EPB41L2: variants seen among roughly 807,000 people sequenced by gnomAD.
EPB41L2 encodes the protein erythrocyte membrane protein band 4.1 like 2.
A neutral mutation model predicts 113.0 loss-of-function variants in EPB41L2; 43 were observed. The observed-to-expected ratio is 0.38, with a 90% confidence interval of 0.30 to 0.49. EPB41L2 has a LOEUF of 0.49. Ranked by LOEUF, EPB41L2 falls within the 20% of genes least tolerant of loss-of-function variation. The pLI, the probability that EPB41L2 is intolerant of heterozygous loss-of-function variation, is 0.95. For synonymous variants in EPB41L2, 442 were observed against 436.7 expected (o/e 1.01, Z -0.15); for missense variants, 1,147 against 1,223.4 (o/e 0.94, Z 0.93).
At position 130,927,966 on chromosome 6, in the gene EPB41L2, G is replaced by A. The variant is rs148074030; in HGVS notation, c.706-1257C>T. On this transcript the variant is annotated intron_variant, in intron 3 of 19. Coordinates refer to ENST00000337057, the MANE Select transcript of EPB41L2 (RefSeq NM_001431.4). ...ACGTTAGCCAGGTGTGGTGGCGTGT[G>A]CTTGTAGTCTCAGCTACTCCGGAGG... 1.2e-4 allele frequency among the ~76,000 whole-genome samples: 18 copies of A among 152,088 alleles called. No homozygotes were observed. The East Asian group carries it at 3.1e-3, about 26-fold the overall frequency.
chr6:131,021,379 C>A (rs1789440321), intron 1 of EPB41L2, among the ~76,000 whole-genome samples: 1 of 152,124 alleles, frequency 6.6e-6, no homozygotes. Context: ...GCCAAAACCT[C>A]CCAGTTGATA....
In EPB41L2 at chr6:130,890,351, G is replaced by C; in HGVS notation, c.1603C>G (p.Pro535Ala). ...TRQASTLIDR[P>A]APHFERTSSK... ...GAAGTGCGCTCAAAGTGTGGTGCTG[G>C]CCTATCTATGAGGGTGCTGGCCTGG... The change falls in exon 11 of 20, where the codon CCA becomes GCA. Residue 535 changes from proline to alanine, a missense_variant. Pro to Ala is a conservative substitution (Grantham distance 27). Transcript: ENST00000337057. 6.2e-7 allele frequency: 1 copy of C among 1,613,802 alleles called. No individual in the cohort carries two copies.
intron 1 of EPB41L2, among the ~76,000 whole-genome samples, chr6:130,979,631 A>C (rs1460942234): frequency 6.6e-6 from 1 of 152,176 alleles, no homozygotes; most frequent in Non-Finnish European, 1.5e-5. Context: ...GGGACTTGAT[A>C]ATTAATTGGA....
intron 3 of EPB41L2, among the ~76,000 whole-genome samples, chr6:130,937,600 C>T (rs1809256430): frequency 6.6e-6 from 1 of 152,130 alleles, no homozygotes; most frequent in Non-Finnish European, 1.5e-5. Context: ...GCAGGTGGAC[C>T]GTGAGGTCAG....
At chr6:130,912,465 C>A (rs1462066416) in intron 4 of EPB41L2, among the ~76,000 whole-genome samples, 1 of 152,144 alleles carries the variant, frequency 6.6e-6, no homozygotes. Context: ...CTCGGGGTAG[C>A]AAGGATCCAA....
At chr6:131,030,059 C>T (rs1442969332) in intron 1 of EPB41L2, among the ~76,000 whole-genome samples, 1 of 147,502 alleles carries the variant, frequency 6.8e-6, no homozygotes, top group East Asian at 1.9e-4. Context: ...CAGGGCCCTA[C>T]TGTTATCTGC....
chr6:131,054,748 G>A (rs1318739137), intron 1 of EPB41L2, among the ~76,000 whole-genome samples: 1 of 152,256 alleles, frequency 6.6e-6, no homozygotes, highest in African/African-American at 2.4e-5. Flanking sequence ...AAAAGGAACT[G>A]TTTTAAAGGA....
chr6:131,034,403 T>C (rs1210469228), intron 1 of EPB41L2, among the ~76,000 whole-genome samples: 1 of 152,152 alleles, frequency 6.6e-6, no homozygotes, highest in Non-Finnish European at 1.5e-5. Context: ...AGCCCAGGAA[T>C]TCGAGATCAG....
chr6:130,953,368 T>G (rs923602473), intron 3 of EPB41L2, among the ~76,000 whole-genome samples: 1 of 152,092 alleles, frequency 6.6e-6, no homozygotes, highest in East Asian at 1.9e-4. Flanking sequence ...ATGGTCTCAA[T>G]GCTTCCCTCC....
At chr6:131,001,318 C>T (rs945208656) in intron 1 of EPB41L2, among the ~76,000 whole-genome samples, 1 of 151,880 alleles carries the variant, frequency 6.6e-6, no homozygotes, top group African/African-American at 2.4e-5. Context: ...AGAGAGAGGG[C>T]AAGGGAAAGA....
rs530755570 is a variant in EPB41L2 at position 130,979,860 on chromosome 6, TCCAGACTGA to T, written c.-14-23370_-14-23362del. 2.0e-5 allele frequency among the ~76,000 whole-genome samples: 3 copies of T among 152,260 alleles called. No individual in the cohort carries two copies. In the East Asian group the frequency reaches 5.8e-4, roughly 29 times the overall value. ...TGTGTCTGAATGACAGAGCCTGGTT[TCCAGACTGA>T]AATGTGGAACTGCTCAGCCAATCAA... On this transcript the variant is annotated intron_variant, in intron 1 of 19. Coordinates refer to ENST00000337057, the MANE Select transcript of EPB41L2 (RefSeq NM_001431.4).
intron 1 of EPB41L2, among the ~76,000 whole-genome samples, chr6:131,060,143 G>A (rs900839905): frequency 2.0e-5 from 3 of 152,204 alleles, no homozygotes; most frequent in Admixed American, 6.5e-5. Context: ...TTACAGGCGT[G>A]CGCCACCATG....
chr6:130,907,850 A>C (rs1232278014), intron 5 of EPB41L2, among the ~76,000 whole-genome samples: 1 of 152,166 alleles, frequency 6.6e-6, no homozygotes, highest in African/African-American at 2.4e-5. Flanking sequence ...ATAATAAGTA[A>C]GTAAGGAAAT....
intron 3 of EPB41L2, among the ~76,000 whole-genome samples, chr6:130,942,247 T>G (rs1253241999): frequency 6.6e-6 from 1 of 152,178 alleles, no homozygotes; most frequent in Non-Finnish European, 1.5e-5. Context: ...TGTGATAAAT[T>G]AAACAACATT....
At position 131,005,523 on chromosome 6, in the gene EPB41L2, G is replaced by T. The variant is rs567108658; in HGVS notation, c.-14-49024C>A. 1.1e-4 allele frequency among the ~76,000 whole-genome samples: 17 copies of T among 152,192 alleles called. No individual in the cohort carries two copies. In the South Asian group the frequency reaches 3.5e-3, roughly 32 times the overall value. ...AAAGTCAGTGGAAAGGGGAGTGTTG[G>T]GGGGAGCCAGAATCTAAAGCCAAGC... On this transcript the variant is annotated intron_variant, in intron 1 of 19. Coordinates refer to ENST00000337057, the MANE Select transcript of EPB41L2 (RefSeq NM_001431.4).
chr6:130,971,247 C>T (rs764655094), intron 1 of EPB41L2, among the ~76,000 whole-genome samples: 3 of 152,196 alleles, frequency 2.0e-5, no homozygotes, highest in Non-Finnish European at 2.9e-5. Context: ...ATAACTTTTG[C>T]AGTTTGAGGT....
chr6:131,050,216 G>A (rs1268519415), intron 1 of EPB41L2, among the ~76,000 whole-genome samples: 1 of 152,064 alleles, frequency 6.6e-6, no homozygotes, highest in African/African-American at 2.4e-5. Flanking sequence ...GCGGGCACCT[G>A]TAATCTCAGC....
At chr6:130,847,346 CTATTTTTGTGCCCTGAACAT>C (rs1357566881) in intron 19 of EPB41L2, among the ~76,000 whole-genome samples, 6 of 152,222 alleles carry the variant, frequency 3.9e-5, no homozygotes, top group Non-Finnish European at 7.3e-5. Context: ...TTCAAATATA[CTATTTTTGTGCCCTGAACAT>C]TATTTTTATG....
Position 130,904,445 on chromosome 6 carries a change from A to C in EPB41L2, c.929+20T>G. ...AGAGCTGTAAGGAAAGGTTCATTTA[A>C]AAATGCAAATATAAAGTACCTGGTG... On this transcript the variant is annotated intron_variant, in intron 6 of 19. Coordinates refer to ENST00000337057, the MANE Select transcript of EPB41L2 (RefSeq NM_001431.4). 6.5e-7 allele frequency: 1 copy of C among 1,541,070 alleles called. No individual in the cohort carries two copies. The highest frequency in any genetic ancestry group is 8.9e-7 in the Non-Finnish European group (1 of 1,121,742).
Sources: gnomAD v4.1 joint callset for allele counts (sites outside exome capture counted in the v4.1 genomes callset) on GRCh38, gnomAD v4.1.1 for gene constraint, MANE v1.5 for transcripts, NCBI Gene and HGNC (gene_info 2026-07-23, HGNC 2026-07-21) for gene names.